Variants in MYO18B observed in about 807,000 individuals in gnomAD.
MYO18B encodes the protein unconventional myosin-XVIIIb.
A neutral mutation model predicts 273.0 loss-of-function variants in MYO18B; 204 were observed. That is an observed-to-expected ratio of 0.75 (90% CI 0.67 to 0.84). MYO18B has a LOEUF of 0.84. MYO18B is among the 40% of genes least tolerant of loss of function. The pLI, the probability that MYO18B is intolerant of heterozygous loss-of-function variation, is 0.00. For missense variants in MYO18B, 3,212 were observed against 3,287.6 expected (o/e 0.98, Z 0.56); for synonymous variants, 1,330 against 1,305.7 (o/e 1.02, Z -0.40).
In MYO18B at chr22:25,890,733, GATC is replaced by G. The variant is rs2091635377; in HGVS notation, c.4315-21_4315-19del. On this transcript the variant is annotated intron_variant, in intron 25 of 43. Transcript: ENST00000335473. Reference sequence around the variant, plus strand: ...TGGCTCCATCGAGTGACCGTTCCTTGATCACCCCATTCCCCATCTCAGATTGCT... The same window carrying G: ...TGGCTCCATCGAGTGACCGTTCCTTGACCCCATTCCCCATCTCAGATTGCT... 1 of 1,613,188 alleles carries G rather than the reference GATC, an allele frequency of 6.2e-7. No homozygotes were observed. Among genetic ancestry groups the G allele is most frequent in the Non-Finnish European group, 8.5e-7 (1 of 1,179,552 alleles).
At chr22:25,856,113 TAC>T (rs2090566663) in intron 21 of MYO18B, among the ~76,000 whole-genome samples, 1 of 152,226 alleles carries the variant, frequency 6.6e-6, no homozygotes, top group Admixed American at 6.5e-5. Context: ...TGAGCTGCCA[TAC>T]AGTTTTTTAT....
At chr22:25,947,630 C>A in intron 35 of MYO18B, 82 bp from the exon 36 acceptor site, 1 of 988,660 alleles carries the variant, frequency 1.0e-6, no homozygotes, top group East Asian at 2.5e-5. Context: ...TATAGGCAAG[C>A]CCCTCTTTGC....
intron 1 of MYO18B, among the ~76,000 whole-genome samples, chr22:25,754,821 T>C (rs1247017405): frequency 1.3e-5 from 2 of 152,118 alleles, no homozygotes; most frequent in South Asian, 2.1e-4. Context: ...AGGCCCCACA[T>C]GGGGTTCCCT....
rs1164257662 is a variant in MYO18B, at chr22:25,759,380, GGATGA to G, written c.-109-1603_-109-1599del. Among the ~76,000 whole-genome samples, 714 of 152,282 alleles carry G rather than the reference GGATGA, an allele frequency of 4.7e-3. 6 individuals carry two copies. The highest frequency in any genetic ancestry group is 6.8e-3 in the Middle Eastern group (2 of 294). ...GAGTTCATGTCCTTTGCAGGGACAT[GGATGA>G]AGCTGGAAACCATCATTCTCAGTAA... is the stretch of plus-strand genomic sequence containing the variant. On this transcript the variant is annotated intron_variant, in intron 1 of 43. Transcript: ENST00000335473.
rs768592910 is a variant in MYO18B at position 25,955,343 on chromosome 22, C to A, written c.6135C>A (p.Ala2045=). The part of the protein sequence containing the change: ...MEELVQREAE[A]SRRCMELEKY... ...AGCTGGTGCAGCGGGAGGCAGAGGCCAGCCGGCGGTGCATGGAGCTGGTGA... is the reference window on the plus strand; with the variant it reads ...AGCTGGTGCAGCGGGAGGCAGAGGCAAGCCGGCGGTGCATGGAGCTGGTGA... The change falls in exon 39 of 44, where the codon GCC becomes GCA. Residue 2045 remains alanine (A), a synonymous_variant. Transcript: ENST00000335473. 1.2e-6 allele frequency: 2 copies of A among 1,613,240 alleles called. No individual in the cohort carries two copies. Among genetic ancestry groups the A allele is most frequent in the East Asian group, 4.5e-5 (2 of 44,898 alleles).
chr22:25,924,560 G>T (rs1000607464), intron 34 of MYO18B, among the ~76,000 whole-genome samples: 2 of 152,224 alleles, frequency 1.3e-5, no homozygotes, highest in Non-Finnish European at 2.9e-5. Context: ...ATAGAGAACT[G>T]CAGGGGCGTC....
intron 40 of MYO18B, among the ~76,000 whole-genome samples, chr22:26,000,746 G>A (rs1933879254): frequency 6.6e-6 from 1 of 151,988 alleles, no homozygotes; most frequent in Non-Finnish European, 1.5e-5. Context: ...CTCATTTTTT[G>A]GAGACCATCT....
intron 11 of MYO18B, among the ~76,000 whole-genome samples, chr22:25,785,886 T>C (rs1260349610): frequency 6.6e-6 from 1 of 152,124 alleles, no homozygotes; most frequent in Non-Finnish European, 1.5e-5. Context: ...TGACATGATG[T>C]GTATAACGTG....
chr22:25,885,140 G>A (rs1421141902), intron 25 of MYO18B, among the ~76,000 whole-genome samples: 2 of 152,152 alleles, frequency 1.3e-5, no homozygotes, highest in Admixed American at 6.5e-5. Context: ...GATGTTCTGT[G>A]CCAGCTGCTG....
chr22:25,893,133 A>G (rs1270118118), intron 27 of MYO18B, among the ~76,000 whole-genome samples: 1 of 152,268 alleles, frequency 6.6e-6, no homozygotes, highest in Admixed American at 6.5e-5. Flanking sequence ...AATTTGAAAG[A>G]AGCAGTAAAA....
intron 29 of MYO18B, 40 bp downstream of exon 29, chr22:25,898,501 G>A: frequency 6.2e-7 from 1 of 1,602,432 alleles, no homozygotes; most frequent in Admixed American, 1.7e-5. Context: ...CTGCCAGGGT[G>A]GGCTACATTG....
At chr22:25,944,760 T>C (rs2092684704) in intron 34 of MYO18B, among the ~76,000 whole-genome samples, 1 of 150,504 alleles carries the variant, frequency 6.6e-6, no homozygotes, top group Non-Finnish European at 1.5e-5. Flanking sequence ...GGCAGGAGAA[T>C]CGCTGGAACC....
At chr22:26,051,628 G>T in the MYO18B span, among the ~76,000 whole-genome samples, 1 of 152,176 alleles carries the variant, frequency 6.6e-6, no homozygotes, top group Admixed American at 6.5e-5. Flanking sequence ...GAAAAAAGAA[G>T]TATAAAAAGA....
At chr22:26,061,898 A>AT in the MYO18B span, among the ~76,000 whole-genome samples, 1 of 151,992 alleles carries the variant, frequency 6.6e-6, no homozygotes, top group African/African-American at 2.4e-5. Flanking sequence ...AAAAACAAAA[A>AT]AAATCAGTGG....
the MYO18B span, among the ~76,000 whole-genome samples, chr22:26,057,261 C>T: frequency 3.3e-5 from 5 of 152,026 alleles, no homozygotes; most frequent in Non-Finnish European, 7.4e-5. Context: ...ATCTATATAA[C>T]GAATGATCAC....
At chr22:25,752,256 C>T (rs1172165468) in intron 1 of MYO18B, among the ~76,000 whole-genome samples, 4 of 148,752 alleles carry the variant, frequency 2.7e-5, no homozygotes, top group African/African-American at 9.9e-5. Flanking sequence ...GGCGGGATCT[C>T]GGCTCACTGC....
At chr22:25,893,053 C>A (rs1355186749) in intron 27 of MYO18B, among the ~76,000 whole-genome samples, 1 of 152,118 alleles carries the variant, frequency 6.6e-6, no homozygotes, top group Non-Finnish European at 1.5e-5. Flanking sequence ...AAGAAGCCAA[C>A]CCACAAATAT....
intron 21 of MYO18B, among the ~76,000 whole-genome samples, chr22:25,862,117 T>A (rs2090755511): frequency 6.6e-6 from 1 of 152,196 alleles, no homozygotes; most frequent in Non-Finnish European, 1.5e-5. Flanking sequence ...TTAGGTATTA[T>A]AAGTAATCTA....
intron 30 of MYO18B, 59 bp from the exon 31 acceptor site, chr22:25,903,572 G>A (rs1177040478): frequency 2.6e-6 from 4 of 1,518,108 alleles, no homozygotes; most frequent in Non-Finnish European, 3.6e-6. Flanking sequence ...AGGTATCCCT[G>A]GGGGAGGAGG....
Sources: allele counts gnomAD v4.1 joint callset (sites outside exome capture counted in the v4.1 genomes callset), GRCh38; gene constraint gnomAD v4.1.1; transcripts MANE v1.5; gene names NCBI Gene and HGNC (gene_info 2026-07-23, HGNC 2026-07-21).